ROBO1: variants seen among roughly 807,000 people sequenced by gnomAD.
The protein encoded by ROBO1 is roundabout guidance receptor 1.
ROBO1 carries 149 observed loss-of-function variants against 195.9 expected under a neutral mutation model. The ratio of observed to expected loss-of-function variants is 0.76; its 90% confidence interval spans 0.67 to 0.87. The LOEUF (loss-of-function observed/expected upper bound fraction) is 0.87, where lower values mean the gene tolerates loss of function less well. Ranked by LOEUF, ROBO1 falls within the 40% of genes least tolerant of loss-of-function variation. The pLI is 0.00. For missense variants in ROBO1, 1,933 were observed against 2,068.3 expected (o/e 0.93, Z 1.27); for synonymous variants, 816 against 733.2 (o/e 1.11, Z -1.82).
intron 2 of ROBO1, among the ~76,000 whole-genome samples, chr3:79,484,041 T>C (rs562610954): frequency 1.3e-5 from 2 of 152,042 alleles, no homozygotes; most frequent in Non-Finnish European, 2.9e-5. Context: ...GAGAGGAACA[T>C]TTAATATACC....
chr3:79,125,938 C>A (rs1177258853), intron 2 of ROBO1, among the ~76,000 whole-genome samples: 1 of 152,038 alleles, frequency 6.6e-6, no homozygotes, highest in East Asian at 2.0e-4. Flanking sequence ...AAGCTATTGA[C>A]TGTGATCACT....
chr3:79,490,702 A>G (rs968169228), intron 2 of ROBO1, among the ~76,000 whole-genome samples: 5 of 152,198 alleles, frequency 3.3e-5, no homozygotes, highest in African/African-American at 1.2e-4. Context: ...GTGCACAGCC[A>G]ATGAATGCAT....
chr3:78,830,817 G>A (rs572283360), intron 4 of ROBO1, among the ~76,000 whole-genome samples: 6 of 152,234 alleles, frequency 3.9e-5, no homozygotes, highest in South Asian at 4.2e-4. Context: ...TTTAGAACAC[G>A]GCTTGGATAA....
chr3:79,578,418 T>C (rs375260884), intron 2 of ROBO1, among the ~76,000 whole-genome samples: 3 of 152,202 alleles, frequency 2.0e-5, no homozygotes, highest in African/African-American at 7.2e-5. Context: ...AGGAGTAATA[T>C]TGCCTTCTCA....
intron 1 of ROBO1, among the ~76,000 whole-genome samples, chr3:79,651,180 A>G (rs1945995426): frequency 6.6e-6 from 1 of 152,108 alleles, no homozygotes; most frequent in Non-Finnish European, 1.5e-5. Context: ...GGCCTATCCC[A>G]TCCAAATTTA....
chr3:78,688,511 G>T, intron 9 of ROBO1, 137 bp downstream of exon 9: 1 of 897,688 alleles, frequency 1.1e-6, no homozygotes, highest in Non-Finnish European at 1.6e-6. Flanking sequence ...TTGCTAAAAT[G>T]TTCTGGGCAC....
intron 4 of ROBO1, among the ~76,000 whole-genome samples, chr3:78,879,894 G>A (rs1273739989): frequency 2.0e-5 from 3 of 152,066 alleles, no homozygotes; most frequent in Admixed American, 6.6e-5. Context: ...CAACACTGTA[G>A]GGACCATTGT....
intron 2 of ROBO1, among the ~76,000 whole-genome samples, chr3:79,379,995 T>G (rs1163837751): frequency 1.3e-5 from 2 of 152,188 alleles, no homozygotes; most frequent in African/African-American, 4.8e-5. Flanking sequence ...TGCCCACATG[T>G]TCCAATACAA....
chr3:78,619,749 G>A lies in ROBO1; in HGVS notation c.3876-1708C>T, dbSNP rs537050355. On this transcript the variant is annotated intron_variant, in intron 26 of 30. Coordinates refer to ENST00000464233, the MANE Select transcript of ROBO1 (RefSeq NM_002941.4). ...ATTAACAGAAATGACTGGGCGTGGT[G>A]GCTCATGCTTGTAATCCCAGCACTT... is the stretch of plus-strand genomic sequence containing the variant. Among the ~76,000 whole-genome samples, 3 of 152,190 alleles carry A rather than the reference G, an allele frequency of 2.0e-5. No homozygotes were observed. The South Asian group carries it at 6.2e-4, about 32-fold the overall frequency.
intron 3 of ROBO1, among the ~76,000 whole-genome samples, chr3:78,942,694 G>A (rs973804449): frequency 2.0e-5 from 3 of 152,146 alleles, no homozygotes; most frequent in Non-Finnish European, 2.9e-5. Flanking sequence ...ACCTCAGCTG[G>A]AAAGTCAATT....
chr3:79,073,401 T>C (rs1481865716), intron 3 of ROBO1, among the ~76,000 whole-genome samples: 2 of 151,984 alleles, frequency 1.3e-5, no homozygotes, highest in Non-Finnish European at 2.9e-5. Context: ...GGGAGTGCTC[T>C]AAATGGATAT....
intron 4 of ROBO1, among the ~76,000 whole-genome samples, chr3:78,919,259 A>C (rs1302049366): frequency 6.6e-6 from 1 of 152,178 alleles, no homozygotes; most frequent in Non-Finnish European, 1.5e-5. Flanking sequence ...ACTAGCTTAG[A>C]CAGTGCAAGG....
intron 2 of ROBO1, among the ~76,000 whole-genome samples, chr3:79,339,769 G>A (rs2034830863): frequency 1.3e-5 from 2 of 152,156 alleles, no homozygotes; most frequent in African/African-American, 4.8e-5. Flanking sequence ...ACCAACACCA[G>A]TGACCAACCT....
chr3:78,831,132 C>A (rs1283430150), intron 4 of ROBO1, among the ~76,000 whole-genome samples: 1 of 151,918 alleles, frequency 6.6e-6, no homozygotes, highest in Non-Finnish European at 1.5e-5. Context: ...AGGCTGGTCT[C>A]GAACTCCTGA....
intron 29 of ROBO1, among the ~76,000 whole-genome samples, chr3:78,604,015 C>T (rs1181050412): frequency 6.6e-6 from 1 of 151,664 alleles, no homozygotes; most frequent in African/African-American, 2.4e-5. Context: ...TGTAAAATTT[C>T]CTTCTGAAGA....
At chr3:79,110,576 T>C (rs556389082) in intron 3 of ROBO1, among the ~76,000 whole-genome samples, 27 of 151,782 alleles carry the variant, frequency 1.8e-4, no homozygotes, top group Admixed American at 9.9e-4. Flanking sequence ...ATCTCGTATC[T>C]GTTAACTCAC....
chr3:78,635,506 C>T lies in ROBO1; in HGVS notation c.3373+267G>A, dbSNP rs1271331944. ...TCTGCCTCATGAATAAAAGATTGTC[C>T]GTCCCAATCCCTCACCTGCTATTAA... On this transcript the variant is annotated intron_variant, in intron 23 of 30. Transcript: ENST00000464233. 2.6e-5 allele frequency among the ~76,000 whole-genome samples: 4 copies of T among 152,096 alleles called. No individual in the cohort carries two copies. The South Asian group carries it at 6.2e-4, about 24-fold the overall frequency.
intron 1 of ROBO1, among the ~76,000 whole-genome samples, 159 bp from the exon 2 acceptor site, chr3:79,590,120 T>C (rs1436906147): frequency 6.6e-6 from 1 of 151,814 alleles, no homozygotes; most frequent in East Asian, 1.9e-4. Flanking sequence ...TGTATAGATA[T>C]ATTTCATGAT....
intron 4 of ROBO1, among the ~76,000 whole-genome samples, chr3:78,887,409 TAA>T (rs1251161883): frequency 1.3e-5 from 2 of 152,170 alleles, no homozygotes; most frequent in African/African-American, 4.8e-5. Context: ...AATGAAAGCT[TAA>T]CATAAGCTAT....
Sources: allele counts gnomAD v4.1 joint callset (sites outside exome capture counted in the v4.1 genomes callset), GRCh38; gene constraint gnomAD v4.1.1; transcripts MANE v1.5; gene names NCBI Gene and HGNC (gene_info 2026-07-23, HGNC 2026-07-21).